OXCT1: variants seen among roughly 807,000 people sequenced by gnomAD.
OXCT1 encodes 3-oxoacid CoA-transferase 1.
A neutral mutation model predicts 69.6 loss-of-function variants in OXCT1; 27 were observed. The observed-to-expected ratio is 0.39, with a 90% CI of 0.29 to 0.54. The LOEUF is 0.54. Among genes scored for constraint, OXCT1 ranks in the 20% least tolerant of loss-of-function variants. The pLI is 0.72. For missense variants in OXCT1, 437 were observed against 650.2 expected, an observed-to-expected ratio of 0.67 and a Z score of 3.57; for synonymous variants, 202 against 217.8, an observed-to-expected ratio of 0.93 and a Z score of 0.64.
At chr5:41,737,529 T>C (rs1433039480) in intron 16 of OXCT1, among the ~76,000 whole-genome samples, 1 of 152,162 alleles carries the variant, frequency 6.6e-6, no homozygotes, top group Non-Finnish European at 1.5e-5. Context: ...ATAATACAGA[T>C]TGTTTGCTTT....
chr5:41,864,612 A>G (rs1056628152), intron 1 of OXCT1, among the ~76,000 whole-genome samples: 5 of 152,228 alleles, frequency 3.3e-5, no homozygotes, highest in Non-Finnish European at 5.9e-5. Context: ...AAGTGCATAT[A>G]TCTAATCCAA....
intron 13 of OXCT1, among the ~76,000 whole-genome samples, chr5:41,774,648 C>A (rs1229089440): frequency 6.6e-6 from 1 of 152,180 alleles, no homozygotes; most frequent in Non-Finnish European, 1.5e-5. Flanking sequence ...GTAATCCCAG[C>A]ACTCTGGGAA....
At chr5:41,860,014 A>C (rs1174801246) in intron 3 of OXCT1, among the ~76,000 whole-genome samples, 1 of 151,420 alleles carries the variant, frequency 6.6e-6, no homozygotes, top group Non-Finnish European at 1.5e-5. Flanking sequence ...TTTTATATTG[A>C]TCTGTAGTAT....
At chr5:41,856,233 G>A (rs1213526680) in intron 3 of OXCT1, among the ~76,000 whole-genome samples, 1 of 152,196 alleles carries the variant, frequency 6.6e-6, no homozygotes, top group East Asian at 1.9e-4. Context: ...GAATGGGAAT[G>A]GAGAAGGGAG....
At position 41,840,457 on chromosome 5, in the gene OXCT1, C is replaced by T; in HGVS notation, c.726G>A (p.Val242=). The T allele has an allele frequency of 6.2e-7, 1 of 1,610,590 alleles. No individual in the cohort carries two copies. Among genetic ancestry groups the T allele is most frequent in the Non-Finnish European group, 8.5e-7 (1 of 1,177,024 alleles). Residue 242 remains valine (V), a synonymous_variant, in exon 7 of 17, where the codon GTG becomes GTA. Coordinates refer to ENST00000196371, the MANE Select transcript of OXCT1 (RefSeq NM_000436.4). ...TTCAAAAATAACCTCTTACCTCTAC[C>T]ACTGTGGTTTCTGCAGCTTTGCACA... ...LPMCKAAETT[V]VEVEEIVDIG...
intron 15 of OXCT1, among the ~76,000 whole-genome samples, chr5:41,747,010 C>T (rs1187560408): frequency 6.6e-6 from 1 of 152,142 alleles, no homozygotes; most frequent in Non-Finnish European, 1.5e-5. Flanking sequence ...ATCCTCTTAA[C>T]TGGCTTCTGC....
At chr5:41,864,842 G>A (rs1369695053) in intron 1 of OXCT1, among the ~76,000 whole-genome samples, 2 of 151,986 alleles carry the variant, frequency 1.3e-5, no homozygotes, top group Admixed American at 6.6e-5. Context: ...ATTTCTTCCT[G>A]TATAACTCTG....
At chr5:41,807,577 A>G (rs1746747792) in intron 7 of OXCT1, 139 bp from the exon 8 acceptor site, 4 of 643,604 alleles carry the variant, frequency 6.2e-6, no homozygotes, top group Non-Finnish European at 1.1e-5. Flanking sequence ...CTATGTATGT[A>G]TATGTATACA....
At chr5:41,855,219 C>A in intron 3 of OXCT1, among the ~76,000 whole-genome samples, 1 of 152,108 alleles carries the variant, frequency 6.6e-6, no homozygotes, top group Non-Finnish European at 1.5e-5. Context: ...CAAAACAAAT[C>A]TATGAGAATC....
chr5:41,859,157 G>A (rs905766010), intron 3 of OXCT1, among the ~76,000 whole-genome samples: 2 of 152,150 alleles, frequency 1.3e-5, no homozygotes, highest in Non-Finnish European at 2.9e-5. Flanking sequence ...TAGCCATGAT[G>A]GTGATCAGAT....
At chr5:41,758,249 A>G (rs1744180509) in intron 14 of OXCT1, among the ~76,000 whole-genome samples, 1 of 152,090 alleles carries the variant, frequency 6.6e-6, no homozygotes, top group Non-Finnish European at 1.5e-5. Flanking sequence ...GGGCCAAATA[A>G]GCAGAACATA....
chr5:41,755,447 GA>G (rs1400290148), intron 14 of OXCT1, among the ~76,000 whole-genome samples: 1 of 151,852 alleles, frequency 6.6e-6, no homozygotes, highest in East Asian at 1.9e-4. Flanking sequence ...TTATAAATGA[GA>G]AAAAAATTAA....
intron 7 of OXCT1, among the ~76,000 whole-genome samples, chr5:41,835,954 A>AG (rs1208813169): frequency 6.6e-6 from 1 of 151,266 alleles, no homozygotes; most frequent in Non-Finnish European, 1.5e-5. Flanking sequence ...TCAAAAAAAA[A>AG]CAGAAATAGG....
At chr5:41,789,922 T>C (rs1234467809) in intron 13 of OXCT1, among the ~76,000 whole-genome samples, 1 of 152,236 alleles carries the variant, frequency 6.6e-6, no homozygotes, top group Admixed American at 6.5e-5. Context: ...TTAACTTATT[T>C]AAAACAGGTA....
rs1346453402 is a variant in OXCT1 at position 41,805,626 on chromosome 5, T to C, written c.896A>G (p.Asp299Gly). 32 of 1,613,004 alleles carry C rather than the reference T, an allele frequency of 2.0e-5. No homozygotes were observed. The highest frequency in any genetic ancestry group is 2.6e-5 in the Non-Finnish European group (31 of 1,179,368). ...DGEAKSAKPG[D>G]DVRERIIKRA... ...CTTGATGATTCGTTCCCTTACGTCATCTCCAGGTTTAGCAGATTTGGCTTC... is the reference window on the plus strand; with the variant it reads ...CTTGATGATTCGTTCCCTTACGTCACCTCCAGGTTTAGCAGATTTGGCTTC... Residue 299 changes from aspartate (D) to glycine (G), a missense_variant, in exon 9 of 17, where the codon GAT (aspartate) becomes GGT (glycine). Asp to Gly is a moderately conservative substitution (Grantham distance 94). Transcript: ENST00000196371.
intron 13 of OXCT1, among the ~76,000 whole-genome samples, chr5:41,771,683 C>A (rs1163479001): frequency 6.6e-6 from 1 of 152,136 alleles, no homozygotes; most frequent in Non-Finnish European, 1.5e-5. Flanking sequence ...AGAGCATGAC[C>A]AAGTGTTTCA....
At chr5:41,838,524 A>C (rs1748480573) in intron 7 of OXCT1, among the ~76,000 whole-genome samples, 1 of 152,212 alleles carries the variant, frequency 6.6e-6, no homozygotes, top group South Asian at 2.1e-4. Context: ...ACTTCCTGCA[A>C]TGATAATGTT....
chr5:41,809,035 G>C (rs1055638059), intron 7 of OXCT1, among the ~76,000 whole-genome samples: 7 of 151,802 alleles, frequency 4.6e-5, no homozygotes, highest in African/African-American at 1.7e-4. Flanking sequence ...AAATAAACAT[G>C]GTGTAGCCAT....
chr5:41,791,922 G>T (rs1745940953), intron 13 of OXCT1, among the ~76,000 whole-genome samples: 1 of 152,098 alleles, frequency 6.6e-6, no homozygotes, highest in African/African-American at 2.4e-5. Context: ...TCCTGCCTCA[G>T]CCTCTCGAGT....
Sources: gnomAD v4.1 joint callset for allele counts (sites outside exome capture counted in the v4.1 genomes callset) on GRCh38, gnomAD v4.1.1 for gene constraint, MANE v1.5 for transcripts, NCBI Gene and HGNC (gene_info 2026-07-23, HGNC 2026-07-21) for gene names.